Variants in LGR5 observed in about 807,000 individuals in gnomAD.
LGR5 encodes the protein leucine rich repeat containing G protein-coupled receptor 5.
LGR5 carries 54 observed loss-of-function variants against 76.7 expected under a neutral mutation model. The ratio of observed to expected loss-of-function variants is 0.70; its 90% CI spans 0.57 to 0.88. The LOEUF is 0.88. Ranked by LOEUF, LGR5 falls within the 40% of genes least tolerant of loss-of-function variation. The probability of loss-of-function intolerance (pLI) is 0.00; values close to 1 mark genes in which losing one functional copy is unlikely to be tolerated. For synonymous variants in LGR5, 406 were observed against 421.9 expected, an observed-to-expected ratio of 0.96 and a Z score of 0.46; for missense variants, 1,078 against 1,073.3, an observed-to-expected ratio of 1.00 and a Z score of -0.06.
intron 1 of LGR5, among the ~76,000 whole-genome samples, chr12:71,455,766 C>T (rs1326069624): frequency 6.6e-6 from 1 of 152,056 alleles, no homozygotes; most frequent in African/African-American, 2.4e-5. Context: ...TGACTGCACG[C>T]TGTTGTTTGG....
At chr12:71,525,085 C>A (rs118086634) in intron 3 of LGR5, among the ~76,000 whole-genome samples, 7,158 of 151,814 alleles carry the variant, frequency 0.047, 217 homozygotes, top group Middle Eastern at 0.11. Context: ...CTTCTGGTAC[C>A]CATTGTTTAA....
intron 1 of LGR5, among the ~76,000 whole-genome samples, chr12:71,443,914 A>AT (rs148323529): frequency 0.088 from 13,185 of 149,546 alleles, 605 homozygotes; most frequent in Middle Eastern, 0.18. Flanking sequence ...AAGAGAAAAG[A>AT]TTTTTTTTTT....
chr12:71,479,269 C>T (rs1359354945), intron 1 of LGR5, among the ~76,000 whole-genome samples: 2 of 152,156 alleles, frequency 1.3e-5, no homozygotes, highest in African/African-American at 4.8e-5. Context: ...ATACAGTAAT[C>T]TTTAACATCC....
chr12:71,516,166 T>A (rs571631459), intron 2 of LGR5, among the ~76,000 whole-genome samples: 57 of 152,272 alleles, frequency 3.7e-4, no homozygotes, highest in African/African-American at 1.4e-3. Flanking sequence ...AGTGTAATTT[T>A]TTTTTAAATT....
chr12:71,540,958 C>T (rs1007207105), intron 4 of LGR5, among the ~76,000 whole-genome samples: 1 of 152,190 alleles, frequency 6.6e-6, no homozygotes, highest in African/African-American at 2.4e-5. Context: ...AAAAATGAAC[C>T]GTGACTTTAG....
chr12:71,486,293 C>T (rs558899442), intron 1 of LGR5, among the ~76,000 whole-genome samples: 1 of 152,248 alleles, frequency 6.6e-6, no homozygotes, highest in Admixed American at 6.5e-5. Flanking sequence ...ATATCGCTGC[C>T]ATCAGGAAGT....
In LGR5 at chr12:71,583,895, G is replaced by T; in HGVS notation, c.1885G>T (p.Ala629Ser). The change falls in exon 18 of 18, where the codon GCC (alanine) becomes TCC (serine). Residue 629 changes from alanine (A) to serine (S), a missense_variant. Physicochemically the swap from Ala to Ser is moderately conservative, Grantham distance 99. Coordinates refer to ENST00000266674, the MANE Select transcript of LGR5 (RefSeq NM_003667.4). ...FTFGSFARHGAWWENGVGCHV... is the reference protein window; with the variant it reads ...FTFGSFARHGSWWENGVGCHV... Reference sequence around the variant, plus strand: ...TTTTGGCAGCTTTGCACGACATGGTGCCTGGTGGGAGAATGGGGTTGGTTG... The same window carrying T: ...TTTTGGCAGCTTTGCACGACATGGTTCCTGGTGGGAGAATGGGGTTGGTTG... The T allele has an allele frequency of 6.2e-7, 1 of 1,614,190 alleles. No homozygotes were observed.
At chr12:71,574,072 G>A (rs1878738865) in intron 13 of LGR5, among the ~76,000 whole-genome samples, 1 of 151,582 alleles carries the variant, frequency 6.6e-6, no homozygotes, top group African/African-American at 2.4e-5. Flanking sequence ...TATATTAAAA[G>A]GCAGGCGGAT....
intron 1 of LGR5, among the ~76,000 whole-genome samples, chr12:71,486,514 A>G (rs1046384315): frequency 6.6e-6 from 1 of 152,210 alleles, no homozygotes; most frequent in Admixed American, 6.5e-5. Context: ...AGATCAATGG[A>G]GGAGGCAGTG....
chr12:71,560,757 C>G (rs1420268934), intron 7 of LGR5, among the ~76,000 whole-genome samples: 1 of 152,200 alleles, frequency 6.6e-6, no homozygotes, highest in Non-Finnish European at 1.5e-5. Flanking sequence ...TGCACCACTG[C>G]ACTCCAGCCT....
At chr12:71,508,793 A>C (rs1410225225) in intron 2 of LGR5, among the ~76,000 whole-genome samples, 1 of 144,514 alleles carries the variant, frequency 6.9e-6, no homozygotes, top group Non-Finnish European at 1.5e-5. Context: ...GTAACTCTTG[A>C]TTGAATGATG....
intron 5 of LGR5, among the ~76,000 whole-genome samples, chr12:71,554,243 G>A (rs1024591342): frequency 2.0e-5 from 3 of 152,134 alleles, no homozygotes; most frequent in Non-Finnish European, 4.4e-5. Flanking sequence ...CTGATTTGTT[G>A]GGTCAGGGAT....
At chr12:71,505,432 A>G (rs1333421122) in intron 2 of LGR5, among the ~76,000 whole-genome samples, 1 of 152,228 alleles carries the variant, frequency 6.6e-6, no homozygotes, top group South Asian at 2.1e-4. Flanking sequence ...GTGATACCCC[A>G]TCACAGCCCT....
intron 1 of LGR5, among the ~76,000 whole-genome samples, chr12:71,471,562 G>C (rs976965695): frequency 6.6e-6 from 1 of 152,082 alleles, no homozygotes; most frequent in African/African-American, 2.4e-5. Context: ...GAACTATGTG[G>C]ATATACTAAA....
chr12:71,476,129 C>G (rs1286237260), intron 1 of LGR5, among the ~76,000 whole-genome samples: 4 of 152,078 alleles, frequency 2.6e-5, no homozygotes, highest in Non-Finnish European at 5.9e-5. Context: ...GTAAATTCAC[C>G]CAAACCCACC....
intron 2 of LGR5, among the ~76,000 whole-genome samples, chr12:71,512,281 C>T (rs2141661): frequency 0.023 from 3,513 of 152,278 alleles, 137 homozygotes; most frequent in African/African-American, 0.08. Flanking sequence ...TGAGCCACCG[C>T]GCCTAGCCTG....
intron 1 of LGR5, among the ~76,000 whole-genome samples, chr12:71,501,514 C>T (rs1410607827): frequency 1.3e-5 from 2 of 152,158 alleles, no homozygotes; most frequent in East Asian, 3.9e-4. Flanking sequence ...CAAAGATGAG[C>T]AGGCTAAAAG....
chr12:71,551,672 C>A (rs1780772077), intron 4 of LGR5, among the ~76,000 whole-genome samples: 1 of 152,132 alleles, frequency 6.6e-6, no homozygotes, highest in South Asian at 2.1e-4. Context: ...AAGTTAGGAC[C>A]TTTAAATTAT....
At chr12:71,446,458 AC>A in intron 1 of LGR5, among the ~76,000 whole-genome samples, 1 of 152,314 alleles carries the variant, frequency 6.6e-6, no homozygotes. Flanking sequence ...GATACTAAAT[AC>A]TTTACTCAGT....
Sources: allele counts gnomAD v4.1 joint callset (sites outside exome capture counted in the v4.1 genomes callset), GRCh38; gene constraint gnomAD v4.1.1; transcripts MANE v1.5; gene names NCBI Gene and HGNC (gene_info 2026-07-23, HGNC 2026-07-21).